Variants in GALNT13 observed in about 807,000 individuals in gnomAD.
GALNT13 encodes the protein polypeptide N-acetylgalactosaminyltransferase 13.
Under a neutral mutation model 64.2 loss-of-function variants are expected in GALNT13, and 28 were observed. The observed-to-expected ratio is 0.44, with a 90% CI of 0.32 to 0.60. The LOEUF (loss-of-function observed/expected upper bound fraction) is 0.60. Among genes scored for constraint, GALNT13 ranks in the 20% least tolerant of loss-of-function variants. GALNT13 has a pLI of 0.05. For missense variants in GALNT13, 577 were observed against 669.8 expected (o/e 0.86, Z 1.53); for synonymous variants, 214 against 224.6 (o/e 0.95, Z 0.42).
intron 4 of GALNT13, among the ~76,000 whole-genome samples, chr2:154,165,145 GT>G (rs913887844): frequency 2.0e-4 from 30 of 152,142 alleles, no homozygotes; most frequent in African/African-American, 7.2e-4. Context: ...TTTTAAGTGA[GT>G]GTTAATGTGA....
the GALNT13 span, among the ~76,000 whole-genome samples, chr2:153,438,436 C>T: frequency 3.3e-5 from 5 of 152,180 alleles, no homozygotes; most frequent in Non-Finnish European, 7.3e-5. Flanking sequence ...AACTTGATTC[C>T]ATTCTCCCCA....
chr2:154,393,239 A>G (rs1163951632), intron 9 of GALNT13, among the ~76,000 whole-genome samples: 1 of 152,216 alleles, frequency 6.6e-6, no homozygotes, highest in Non-Finnish European at 1.5e-5. Flanking sequence ...TTCAGGCTCT[A>G]CAGTCACTAA....
intron 4 of GALNT13, among the ~76,000 whole-genome samples, chr2:154,199,007 T>C (rs1687030983): frequency 6.6e-6 from 1 of 152,056 alleles, no homozygotes; most frequent in Admixed American, 6.6e-5. Context: ...TATATGTATA[T>C]GTTCAAATGG....
chr2:154,335,245 G>A (rs573192527), intron 9 of GALNT13, among the ~76,000 whole-genome samples: 2 of 152,028 alleles, frequency 1.3e-5, no homozygotes, highest in South Asian at 4.1e-4. Context: ...AAAAAGACGA[G>A]TCACGATTTG....
chr2:153,267,704 C>G, the GALNT13 span, among the ~76,000 whole-genome samples: 1 of 152,080 alleles, frequency 6.6e-6, no homozygotes, highest in Admixed American at 6.5e-5. Flanking sequence ...TCTGATATGC[C>G]CTGGAGGCAT....
At chr2:154,404,608 T>A (rs1195196203) in intron 10 of GALNT13, among the ~76,000 whole-genome samples, 1 of 152,074 alleles carries the variant, frequency 6.6e-6, no homozygotes, top group African/African-American at 2.4e-5. Flanking sequence ...TAGCTGAAAA[T>A]GGGAGAAGTA....
chr2:154,140,525 A>G lies in GALNT13; in HGVS notation c.311+20A>G, dbSNP rs184423819. On this transcript the variant is annotated intron_variant, in intron 4 of 12. Transcript: ENST00000392825. ...AGAAGGGTAAGTTTGCATTTGTTATATAATCTTTTATATTCATAATCACCA... is the reference window on the plus strand; with the variant it reads ...AGAAGGGTAAGTTTGCATTTGTTATGTAATCTTTTATATTCATAATCACCA... 21 of 1,500,706 alleles carry G rather than the reference A, an allele frequency of 1.4e-5. No individual in the cohort carries two copies. In the East Asian group the frequency reaches 4.5e-4, roughly 32 times the overall value. 93.0% of individuals were successfully genotyped at this position (1,500,706 alleles called of 1,614,324 possible).
chr2:154,396,918 A>G (rs1435232433), intron 10 of GALNT13, among the ~76,000 whole-genome samples: 1 of 150,310 alleles, frequency 6.7e-6, no homozygotes, highest in Non-Finnish European at 1.5e-5. Context: ...ATGTATGTAT[A>G]ATATATAATA....
At chr2:154,299,556 G>A (rs1416088231) in intron 8 of GALNT13, among the ~76,000 whole-genome samples, 3 of 149,316 alleles carry the variant, frequency 2.0e-5, no homozygotes, top group Non-Finnish European at 3.0e-5. Flanking sequence ...CCGGGTTCAC[G>A]CCATTCTCCT....
chr2:153,321,638 G>C, the GALNT13 span, among the ~76,000 whole-genome samples: 1 of 152,042 alleles, frequency 6.6e-6, no homozygotes, highest in Admixed American at 6.6e-5. Context: ...CCCCCAAAAA[G>C]GTTAAGAAAG....
the GALNT13 span, among the ~76,000 whole-genome samples, chr2:153,738,301 T>G: frequency 6.6e-6 from 1 of 152,004 alleles, no homozygotes. Flanking sequence ...TTCCATGTTT[T>G]ATTGAAAGTA....
the GALNT13 span, among the ~76,000 whole-genome samples, chr2:153,726,946 AAAAAAAAAAAC>A: frequency 1.4e-5 from 2 of 148,080 alleles, no homozygotes; most frequent in Non-Finnish European, 3.0e-5. Context: ...TCTCAAAAAA[AAAAAAAAAAAC>A]AAAAAAAAAA....
the GALNT13 span, among the ~76,000 whole-genome samples, chr2:153,470,934 A>G: frequency 6.4e-3 from 981 of 152,298 alleles, 8 homozygotes; most frequent in African/African-American, 0.022. Flanking sequence ...TTTGTAGAAA[A>G]TTATAAGTAG....
the GALNT13 span, among the ~76,000 whole-genome samples, chr2:153,617,112 G>A: frequency 6.6e-6 from 1 of 151,946 alleles, no homozygotes; most frequent in Non-Finnish European, 1.5e-5. Flanking sequence ...TTGAATAACA[G>A]TGGTGACAGT....
At chr2:153,173,305 C>T in the GALNT13 span, 1 of 152,046 alleles carries the variant, frequency 6.6e-6, no homozygotes, top group Admixed American at 6.6e-5. Flanking sequence ...AATGGTCACC[C>T]CTGGGATGCT....
intron 2 of GALNT13, among the ~76,000 whole-genome samples, chr2:153,909,810 G>A (rs1473093938): frequency 1.3e-5 from 2 of 151,976 alleles, no homozygotes; most frequent in Non-Finnish European, 2.9e-5. Context: ...CTTTTTGATG[G>A]CACTGCTGGA....
At chr2:153,793,252 G>A in the GALNT13 span, among the ~76,000 whole-genome samples, 58 of 151,988 alleles carry the variant, frequency 3.8e-4, no homozygotes, top group Non-Finnish European at 7.2e-4. Context: ...GATTACAGGC[G>A]TGAGCCACCG....
chr2:153,663,913 T>C, the GALNT13 span, among the ~76,000 whole-genome samples: 2 of 152,146 alleles, frequency 1.3e-5, no homozygotes, highest in African/African-American at 4.8e-5. Context: ...AACTAAATCA[T>C]GCAAATTTTT....
At chr2:153,544,115 A>G in the GALNT13 span, among the ~76,000 whole-genome samples, 4 of 152,210 alleles carry the variant, frequency 2.6e-5, no homozygotes, top group African/African-American at 9.6e-5. Context: ...TCATCAGCAC[A>G]ACGTACAGAG....
Sources: allele counts gnomAD v4.1 joint callset (sites outside exome capture counted in the v4.1 genomes callset), GRCh38; gene constraint gnomAD v4.1.1; transcripts MANE v1.5; gene names NCBI Gene and HGNC (gene_info 2026-07-23, HGNC 2026-07-21).